Variants in LRRC39 observed in about 807,000 individuals in gnomAD.
The protein encoded by LRRC39 is leucine-rich repeat-containing protein 39.
A neutral mutation model predicts 39.7 loss-of-function variants in LRRC39; 35 were observed. That is an observed-to-expected ratio of 0.88 (90% CI 0.67 to 1.17). The LOEUF is 1.17. LRRC39 is among the 50% of genes most tolerant of loss of function. The probability of loss-of-function intolerance (pLI) is 0.00; values close to 1 mark genes in which losing one functional copy is unlikely to be tolerated. For synonymous variants in LRRC39, 113 were observed against 134.1 expected (o/e 0.84, Z 1.09); for missense variants, 357 against 385.8 (o/e 0.93, Z 0.62).
Position 100,159,247 on chromosome 1 carries a change from A to T in LRRC39, c.376+12T>A. 1 of 1,578,426 alleles carries T rather than the reference A, an allele frequency of 6.3e-7. No homozygotes were observed. Among genetic ancestry groups the T allele is most frequent in the Non-Finnish European group, 8.6e-7 (1 of 1,165,070 alleles). ...GATAAAATAGCACAGGAATAAAAGT[A>T]ATCTTTCTTACCAATCCCTGGTGGT... On this transcript the variant is annotated intron_variant, in intron 5 of 9. Transcript: ENST00000370137.
At chr1:100,158,404 A>G in intron 5 of LRRC39, 37 bp from the exon 6 acceptor site, 2 of 1,567,788 alleles carry the variant, frequency 1.3e-6, no homozygotes, top group Non-Finnish European at 1.7e-6. Context: ...GGAGTTGGAT[A>G]TAAAATAATC....
intron 8 of LRRC39, 24 bp downstream of exon 8, chr1:100,155,027 A>G: frequency 6.6e-7 from 1 of 1,520,812 alleles, no homozygotes; most frequent in Non-Finnish European, 8.8e-7. Context: ...AAGGTTTTTC[A>G]GTTTTGTGCC....
intron 8 of LRRC39, 51 bp from the exon 9 acceptor site, chr1:100,152,575 A>G (rs1658132410): frequency 6.3e-7 from 1 of 1,575,194 alleles, no homozygotes; most frequent in South Asian, 1.2e-5. Flanking sequence ...GGAAGTGTAC[A>G]TTTATTTCCC....
intron 6 of LRRC39, among the ~76,000 whole-genome samples, chr1:100,157,380 C>A (rs1284168633): frequency 1.3e-5 from 2 of 152,096 alleles, no homozygotes; most frequent in African/African-American, 4.8e-5. Context: ...TGCCTTTTGC[C>A]TTCTGCCATG....
intron 8 of LRRC39, among the ~76,000 whole-genome samples, chr1:100,153,210 T>C (rs1265077951): frequency 2.0e-5 from 3 of 152,230 alleles, no homozygotes; most frequent in Non-Finnish European, 4.4e-5. Flanking sequence ...AAATGAATTA[T>C]TTTGTTATCG....
chr1:100,169,613 A>G (rs1463385016), intron 2 of LRRC39, among the ~76,000 whole-genome samples: 1 of 152,130 alleles, frequency 6.6e-6, no homozygotes, highest in Non-Finnish European at 1.5e-5. Context: ...ATAGCTCAAA[A>G]AAAAGAAAAG....
rs973199309 is a variant in LRRC39 at position 100,161,225 on chromosome 1, G to A, written c.114-654C>T. On this transcript the variant is annotated intron_variant, in intron 3 of 9. Transcript: ENST00000370137. ...CCAAAGCATTTTATCACTCATAAAGGAAACTCCATACCCATGAGCAGTCAC... is the reference window on the plus strand; with the variant it reads ...CCAAAGCATTTTATCACTCATAAAGAAAACTCCATACCCATGAGCAGTCAC... 1.1e-4 allele frequency among the ~76,000 whole-genome samples: 16 copies of A among 152,042 alleles called. 1 individual carries two copies. The highest frequency in any genetic ancestry group is 3.9e-4 in the African/African-American group (16 of 41,396).
At chr1:100,168,036 G>A (rs551043084) in intron 3 of LRRC39, among the ~76,000 whole-genome samples, 3 of 151,882 alleles carry the variant, frequency 2.0e-5, no homozygotes, top group Non-Finnish European at 2.9e-5. Context: ...AGAACACATG[G>A]CTATTCAAAT....
At chr1:100,179,499 C>CAAAAAAAAAAAAAAAAAAAAAAAA (rs60588308), upstream of LRRC39, among the ~76,000 whole-genome samples, 3 of 45,616 alleles carry the variant, frequency 6.6e-5, no homozygotes, top group African/African-American at 2.5e-4. Flanking sequence ...CTGTATCTAC[C>CAAAAAAAAAAAAAAAAAAAAAAAA]AAAAAAAAAA....
At chr1:100,165,602 A>G (rs1659183165) in intron 3 of LRRC39, among the ~76,000 whole-genome samples, 1 of 152,142 alleles carries the variant, frequency 6.6e-6, no homozygotes, top group Admixed American at 6.5e-5. Context: ...TAGCAACACA[A>G]ATCATTGCTT....
chr1:100,159,238 A>G (rs1557924982), intron 5 of LRRC39, 21 bp downstream of exon 5: 1 of 1,572,938 alleles, frequency 6.4e-7, no homozygotes, highest in East Asian at 2.3e-5. Flanking sequence ...ATAGCACAGG[A>G]ATAAAAGTAA....
chr1:100,179,243 A>G (rs1461851021), upstream of LRRC39, among the ~76,000 whole-genome samples: 2 of 152,136 alleles, frequency 1.3e-5, no homozygotes, highest in Non-Finnish European at 2.9e-5. Flanking sequence ...TCTATAATGA[A>G]TTAAGTTCTA....
At chr1:100,162,407 A>C (rs1278780543) in intron 3 of LRRC39, among the ~76,000 whole-genome samples, 1 of 152,078 alleles carries the variant, frequency 6.6e-6, no homozygotes, top group Non-Finnish European at 1.5e-5. Flanking sequence ...TAATCCCAGC[A>C]CTTTTGGAAT....
At position 100,159,274 on chromosome 1, in the gene LRRC39, T is replaced by A. The variant is rs34920283; in HGVS notation, c.361A>T (p.Ile121Leu). Residue 121 changes from isoleucine (I) to leucine (L), a missense_variant, in exon 5 of 10, where the codon ATA (isoleucine) becomes TTA (leucine). Physicochemically the swap from Ile to Leu is conservative, Grantham distance 5. Transcript: ENST00000370137. ...LDLSRNTISE[I>L]PPGIGLLTRL... ...TCTTTCTTACCAATCCCTGGTGGTA[T>A]CTCTGAAATTGTGTTTCGAGATAAA... 1,027 of 1,602,296 alleles carry A rather than the reference T, an allele frequency of 6.4e-4. 4 individuals carry two copies. The African/African-American group carries it at 0.012, about 19-fold the overall frequency.
chr1:100,158,178 G>A, intron 6 of LRRC39, 53 bp downstream of exon 6: 1 of 1,564,374 alleles, frequency 6.4e-7, no homozygotes, highest in Non-Finnish European at 8.7e-7. Context: ...CACATTGAGT[G>A]GTCAACTACT....
upstream of LRRC39, among the ~76,000 whole-genome samples, chr1:100,179,367 G>T (rs1354298718): frequency 6.6e-6 from 1 of 151,598 alleles, no homozygotes; most frequent in African/African-American, 2.4e-5. Flanking sequence ...CAGAGTGCTT[G>T]CATGTGTTCA....
chr1:100,168,381 A>G (rs1659390470), intron 3 of LRRC39, 23 bp downstream of exon 3: 1 of 1,528,590 alleles, frequency 6.5e-7, no homozygotes, highest in Non-Finnish European at 8.9e-7. Flanking sequence ...CTAATTCAAA[A>G]TAATAAATAT....
chr1:100,160,333 T>C, intron 4 of LRRC39, 133 bp downstream of exon 4: 1 of 589,474 alleles, frequency 1.7e-6, no homozygotes, highest in South Asian at 3.4e-5. Context: ...CACATGTTGC[T>C]CAAATTCATT....
At chr1:100,160,348 G>A (rs567975098) in intron 4 of LRRC39, 118 bp downstream of exon 4, 12 of 618,128 alleles carry the variant, frequency 1.9e-5, no homozygotes, top group Non-Finnish European at 3.2e-5. Flanking sequence ...TTCATTTGGT[G>A]TATTATTAAA....
Sources: gnomAD v4.1 joint callset for allele counts (sites outside exome capture counted in the v4.1 genomes callset) on GRCh38, gnomAD v4.1.1 for gene constraint, MANE v1.5 for transcripts, NCBI Gene and HGNC (gene_info 2026-07-23, HGNC 2026-07-21) for gene names.